Variants in MTHFD2L observed in about 807,000 individuals in gnomAD.
MTHFD2L encodes bifunctional methylenetetrahydrofolate dehydrogenase/cyclohydrolase 2, mitochondrial.
A neutral mutation model predicts 34.9 loss-of-function variants in MTHFD2L; 29 were observed. That is an observed-to-expected ratio of 0.83 (90% CI 0.62 to 1.13). The LOEUF (loss-of-function observed/expected upper bound fraction) is 1.13, where lower values mean the gene tolerates loss of function less well. MTHFD2L is among the 50% of genes most tolerant of loss of function. The probability of loss-of-function intolerance (pLI) is 0.00; values close to 1 mark genes in which losing one functional copy is unlikely to be tolerated. For missense variants in MTHFD2L, 481 were observed against 446.5 expected (o/e 1.08, Z -0.70); for synonymous variants, 167 against 155.7 (o/e 1.07, Z -0.54).
At chr4:74,197,001 T>C (rs1313901479) in intron 3 of MTHFD2L, among the ~76,000 whole-genome samples, 1 of 151,778 alleles carries the variant, frequency 6.6e-6, no homozygotes, top group Non-Finnish European at 1.5e-5. Flanking sequence ...ATAGTAAATC[T>C]ACAGTGTCCT....
Position 74,209,434 on chromosome 4 carries a change from A to T in MTHFD2L, c.712+8064A>T, listed in dbSNP as rs550942677. 2.0e-5 allele frequency among the ~76,000 whole-genome samples: 3 copies of T among 152,214 alleles called. No homozygotes were observed. In the East Asian group the frequency reaches 5.8e-4, roughly 29 times the overall value. On this transcript the variant is annotated intron_variant, in intron 5 of 7. Transcript: ENST00000325278. ...TGTTCAACTCCCACTTATGAATGGG[A>T]ACATGTGGTGTTTGGTTTTCCGTTC...
At chr4:74,146,473 G>C (rs187157708) in intron 1 of MTHFD2L, among the ~76,000 whole-genome samples, 1 of 152,144 alleles carries the variant, frequency 6.6e-6, no homozygotes, top group East Asian at 1.9e-4. Flanking sequence ...TTTTCATCTT[G>C]CAAAACTGAA....
At chr4:74,163,763 A>G (rs535440151) in intron 1 of MTHFD2L, among the ~76,000 whole-genome samples, 3 of 152,370 alleles carry the variant, frequency 2.0e-5, no homozygotes, top group East Asian at 1.9e-4. Context: ...TACAAACTCA[A>G]GACATCGAAG....
At chr4:74,127,949 G>A (rs1454594635) in intron 1 of MTHFD2L, among the ~76,000 whole-genome samples, 2 of 152,098 alleles carry the variant, frequency 1.3e-5, no homozygotes, top group Non-Finnish European at 2.9e-5. Flanking sequence ...TGTAAGTGGG[G>A]TTAGATGATA....
rs115610333 is a variant in MTHFD2L, at chr4:74,214,924, G to C, written c.713-10378G>C. ...CCTGCCCAGTGAGGAGGAATCTAGT[G>C]AGACAGTCTGGCTACAGCAGCTTTG... is the stretch of plus-strand genomic sequence containing the variant. On this transcript the variant is annotated intron_variant, in intron 5 of 7. Coordinates refer to ENST00000325278, the MANE Select transcript of MTHFD2L (RefSeq NM_001144978.3). 1.7e-3 allele frequency among the ~76,000 whole-genome samples: 253 copies of C among 151,888 alleles called. 11 individuals are homozygous for C. Among genetic ancestry groups the C allele is most frequent in the African/African-American group, 6.1e-3 (250 of 41,170 alleles).
intron 6 of MTHFD2L, among the ~76,000 whole-genome samples, chr4:74,239,896 A>G (rs376674416): frequency 1.3e-5 from 2 of 152,308 alleles, no homozygotes; most frequent in Admixed American, 6.5e-5. Context: ...TTGTCTCTGT[A>G]AAATACACAG....
intron 6 of MTHFD2L, among the ~76,000 whole-genome samples, chr4:74,235,843 T>A (rs1740758965): frequency 1.3e-5 from 2 of 152,174 alleles, no homozygotes; most frequent in South Asian, 2.1e-4. Context: ...GTTGTTCTTT[T>A]GTTACCCCGA....
At chr4:74,226,657 T>C (rs752938679) in intron 6 of MTHFD2L, among the ~76,000 whole-genome samples, 2 of 152,210 alleles carry the variant, frequency 1.3e-5, no homozygotes, top group Non-Finnish European at 2.9e-5. Flanking sequence ...AAACGTGTAC[T>C]TTTGAATAGC....
At chr4:74,232,952 C>G (rs1253181597) in intron 6 of MTHFD2L, among the ~76,000 whole-genome samples, 1 of 152,140 alleles carries the variant, frequency 6.6e-6, no homozygotes, top group Non-Finnish European at 1.5e-5. Flanking sequence ...AATAATGCAG[C>G]AAACAGCTGT....
intron 6 of MTHFD2L, among the ~76,000 whole-genome samples, chr4:74,252,278 G>C (rs954649412): frequency 2.6e-5 from 4 of 152,030 alleles, no homozygotes; most frequent in African/African-American, 9.7e-5. Flanking sequence ...TTCTGTACCA[G>C]ACTATTATTG....
chr4:74,269,350 ATAT>A (rs1440771731), intron 6 of MTHFD2L, among the ~76,000 whole-genome samples: 19 of 152,202 alleles, frequency 1.2e-4, no homozygotes, highest in Admixed American at 1.0e-3. Context: ...CTAAATGATA[ATAT>A]TATAGGTATG....
intron 6 of MTHFD2L, chr4:74,267,619 G>T (rs1340809255): frequency 2.0e-6 from 1 of 510,136 alleles, no homozygotes; most frequent in Non-Finnish European, 2.5e-6. Flanking sequence ...GCTGTTTGTA[G>T]TGACAAGGTT....
intron 7 of MTHFD2L, among the ~76,000 whole-genome samples, chr4:74,287,339 C>T (rs1748308773): frequency 6.6e-6 from 1 of 152,150 alleles, no homozygotes; most frequent in Admixed American, 6.5e-5. Context: ...TTATTTGGTT[C>T]ATCCTTTTTC....
chr4:74,289,145 A>G (rs996616119), intron 7 of MTHFD2L, among the ~76,000 whole-genome samples: 4 of 152,260 alleles, frequency 2.6e-5, no homozygotes, highest in Non-Finnish European at 5.9e-5. Flanking sequence ...TATAGGAGAC[A>G]GATAATAAAC....
chr4:74,189,403 G>A (rs1221839478), intron 3 of MTHFD2L, among the ~76,000 whole-genome samples: 1 of 151,300 alleles, frequency 6.6e-6, no homozygotes, highest in African/African-American at 2.4e-5. Context: ...TGAGCAAGGG[G>A]AAGAAAAGTG....
intron 6 of MTHFD2L, among the ~76,000 whole-genome samples, chr4:74,231,047 C>T (rs1739971494): frequency 6.6e-6 from 1 of 152,094 alleles, no homozygotes; most frequent in Non-Finnish European, 1.5e-5. Flanking sequence ...ACTAAGCCAT[C>T]CCTTCCAGCA....
upstream of MTHFD2L, among the ~76,000 whole-genome samples, chr4:74,153,793 G>A (rs951242162): frequency 7.9e-5 from 12 of 152,040 alleles, no homozygotes; most frequent in African/African-American, 2.9e-4. Flanking sequence ...TTAAATTTAC[G>A]GAAAAATTCA....
chr4:74,201,512 G>T (rs1045317990), intron 5 of MTHFD2L, 142 bp downstream of exon 5: 1 of 478,594 alleles, frequency 2.1e-6, no homozygotes, highest in Non-Finnish European at 3.5e-6. Context: ...ATTTAGTGAT[G>T]TGAGAGTCTT....
intron 5 of MTHFD2L, among the ~76,000 whole-genome samples, chr4:74,219,268 ATAAAACACTAG>A (rs1184606421): frequency 6.6e-6 from 1 of 152,140 alleles, no homozygotes; most frequent in Non-Finnish European, 1.5e-5. Context: ...GAAACATATT[ATAAAACACTAG>A]GCACAAAATA....
Sources: gnomAD v4.1 joint callset for allele counts (sites outside exome capture counted in the v4.1 genomes callset) on GRCh38, gnomAD v4.1.1 for gene constraint, MANE v1.5 for transcripts, NCBI Gene and HGNC (gene_info 2026-07-23, HGNC 2026-07-21) for gene names.